The following ARHGAP5 variants were observed in gnomAD, a reference collection of about 807,000 sequenced individuals.
ARHGAP5 encodes Rho GTPase activating protein 5.
Under a neutral mutation model 116.6 loss-of-function variants are expected in ARHGAP5, and 23 were observed. The observed-to-expected ratio is 0.20, with a 90% CI of 0.14 to 0.28. The LOEUF (loss-of-function observed/expected upper bound fraction) is 0.28. Ranked by LOEUF, ARHGAP5 falls within the 10% of genes least tolerant of loss-of-function variation. ARHGAP5 has a pLI of 1.00. For synonymous variants in ARHGAP5, 574 were observed against 602.0 expected (o/e 0.95, Z 0.68); for missense variants, 1,405 against 1,774.8 (o/e 0.79, Z 3.74).
chr14:32,107,067 C>G (rs1369037149), intron 2 of ARHGAP5, among the ~76,000 whole-genome samples: 1 of 152,112 alleles, frequency 6.6e-6, no homozygotes, highest in Non-Finnish European at 1.5e-5. Flanking sequence ...CTATTAATGA[C>G]TGGTAGCGAG....
At chr14:32,103,023 C>A (rs1221639818) in intron 2 of ARHGAP5, among the ~76,000 whole-genome samples, 2 of 152,176 alleles carry the variant, frequency 1.3e-5, no homozygotes, top group African/African-American at 4.8e-5. Flanking sequence ...CATATTTCAT[C>A]TCATCTGGAA....
At chr14:32,145,582 G>A (rs1881334993) in intron 3 of ARHGAP5, among the ~76,000 whole-genome samples, 1 of 152,008 alleles carries the variant, frequency 6.6e-6, no homozygotes, top group South Asian at 2.1e-4. Flanking sequence ...GCCTCTGCCT[G>A]CCCCCTCAAA....
intron 2 of ARHGAP5, 45 bp from the exon 3 acceptor site, chr14:32,117,095 T>C: frequency 6.8e-7 from 1 of 1,474,428 alleles, no homozygotes; most frequent in Non-Finnish European, 9.2e-7. Context: ...ACTATTATTC[T>C]GAAATTAATT....
intron 3 of ARHGAP5, among the ~76,000 whole-genome samples, chr14:32,140,754 C>G (rs1881085583): frequency 6.6e-6 from 1 of 151,968 alleles, no homozygotes. Flanking sequence ...ACGGTGTTTC[C>G]TCCAGAATGT....
At chr14:32,081,739 C>T (rs1047081288) in intron 1 of ARHGAP5, among the ~76,000 whole-genome samples, 2 of 152,074 alleles carry the variant, frequency 1.3e-5, no homozygotes, top group African/African-American at 4.8e-5. Context: ...GAAAAACTCT[C>T]ACCTTGGCTT....
intron 3 of ARHGAP5, among the ~76,000 whole-genome samples, chr14:32,131,571 G>GT (rs1459617403): frequency 6.6e-6 from 1 of 151,818 alleles, no homozygotes; most frequent in African/African-American, 2.4e-5. Context: ...GTTTGTTTTT[G>GT]TTTTTGTTTT....
At chr14:32,143,202 AGTTGTTGTTGTTGTTGTT>A (rs140378018) in intron 3 of ARHGAP5, among the ~76,000 whole-genome samples, 2 of 145,334 alleles carry the variant, frequency 1.4e-5, no homozygotes, top group East Asian at 4.0e-4. Flanking sequence ...ACATTATTTT[AGTTGTTGTTGTTGTTGTT>A]GTTGTTGTTG....
chr14:32,148,435 T>G (rs1443635320), intron 4 of ARHGAP5, among the ~76,000 whole-genome samples: 1 of 152,166 alleles, frequency 6.6e-6, no homozygotes, highest in Non-Finnish European at 1.5e-5. Flanking sequence ...ATGGGAGTGA[T>G]GAGAGTAACT....
chr14:32,152,683 ATAT>A, intron 6 of ARHGAP5, among the ~76,000 whole-genome samples, 155 bp downstream of exon 6: 1 of 152,232 alleles, frequency 6.6e-6, no homozygotes, highest in Non-Finnish European at 1.5e-5. Flanking sequence ...CTAAAAAGAT[ATAT>A]GATTAGTTTT....
chr14:32,091,229 T>G lies in ARHGAP5; in HGVS notation c.560T>G (p.Leu187Ter). ...TTTGTGAATAACCTTTTTGTCCAGT[T>G]ATCAAAATCAAAAAAACCTGTAATA... ...LKFVNNLFVQ[L>*]SKSKKPVIIA... Residue 187 changes from leucine to a stop codon, truncating the protein, a stop_gained, in exon 2 of 7, where the codon TTA becomes TGA. Coordinates refer to ENST00000345122, the MANE Select transcript of ARHGAP5 (RefSeq NM_001030055.2). LOFTEE classifies it high-confidence loss of function. 1 of 1,612,146 alleles carries G rather than the reference T, an allele frequency of 6.2e-7. No homozygotes were observed. The highest frequency in any genetic ancestry group is 8.5e-7 in the Non-Finnish European group (1 of 1,179,168).
At chr14:32,136,200 C>A (rs1404322294) in intron 3 of ARHGAP5, among the ~76,000 whole-genome samples, 1 of 152,126 alleles carries the variant, frequency 6.6e-6, no homozygotes, top group African/African-American at 2.4e-5. Context: ...AGTATATTCA[C>A]AATGTTGTGC....
rs758105100 is a variant in ARHGAP5 at position 32,093,897 on chromosome 14, G to A, written c.3228G>A (p.Arg1076=). The change falls in exon 2 of 7, where the codon CGG becomes CGA. Residue 1076 remains arginine (R), a synonymous_variant. Coordinates refer to ENST00000345122, the MANE Select transcript of ARHGAP5 (RefSeq NM_001030055.2). ...IGKNPRKQTS[R]VPLAHPEDMD... ...AAAATCCAAGAAAGCAGACTTCCCG[G>A]GTGCCTTTGGCACATCCTGAAGATA... 1.2e-6 allele frequency: 2 copies of A among 1,613,878 alleles called. No homozygotes were observed. Among genetic ancestry groups the A allele is most frequent in the Admixed American group, 1.7e-5 (1 of 59,976 alleles).
At chr14:32,126,203 A>G (rs1880144368) in intron 3 of ARHGAP5, among the ~76,000 whole-genome samples, 1 of 151,322 alleles carries the variant, frequency 6.6e-6, no homozygotes, top group African/African-American at 2.4e-5. Flanking sequence ...TTCATCATGG[A>G]GTATGATATC....
At position 32,092,404 on chromosome 14, in the gene ARHGAP5, T is replaced by C. The variant is rs748874653; in HGVS notation, c.1735T>C (p.Leu579=). 18 of 1,613,226 alleles carry C rather than the reference T, an allele frequency of 1.1e-5. No homozygotes were observed. The highest frequency in any genetic ancestry group is 1.7e-5 in the Admixed American group (1 of 59,880). ...EQLLASSLLQ[L]DHGRLRLYHD... is the part of the protein sequence containing the mutation. ...GTTACTTGCTAGTAGTCTTTTACAG[T>C]TGGATCATGGCCGCTTAAGATTATA... The change falls in exon 2 of 7, where the codon TTG becomes CTG. Residue 579 remains leucine, a synonymous_variant. Coordinates refer to ENST00000345122, the MANE Select transcript of ARHGAP5 (RefSeq NM_001030055.2). The surrounding 1 kb of genome is among the most constrained non-coding windows in gnomAD (Gnocchi z 4.1).
intron 3 of ARHGAP5, among the ~76,000 whole-genome samples, chr14:32,128,588 T>C (rs1341812407): frequency 6.6e-6 from 1 of 152,200 alleles, no homozygotes; most frequent in African/African-American, 2.4e-5. Flanking sequence ...TTCCTTTTGC[T>C]CCATGGACGC....
rs1881971008 is a variant in ARHGAP5, at chr14:32,158,007, A to C, written c.*3059A>C. On this transcript the variant is annotated 3_prime_UTR_variant, in exon 7 of 7. Transcript: ENST00000345122. The stretch of plus-strand genomic sequence containing the variant: ...TACACATATAATTTTAAAAAGTCAA[A>C]AGTGCTTTTGTTTCTTTGTTTAATG... 2 of 151,688 alleles carry C rather than the reference A, an allele frequency of 1.3e-5. No homozygotes were observed. 9.4% of individuals were successfully genotyped at this position (151,688 alleles called of 1,614,324 possible).
chr14:32,129,408 A>G (rs1482177013), intron 3 of ARHGAP5, among the ~76,000 whole-genome samples: 1 of 152,228 alleles, frequency 6.6e-6, no homozygotes, highest in Non-Finnish European at 1.5e-5. Context: ...CAAATGAATT[A>G]TAAAGAAATA....
At chr14:32,142,929 C>T (rs1290669132) in intron 3 of ARHGAP5, among the ~76,000 whole-genome samples, 1 of 152,122 alleles carries the variant, frequency 6.6e-6, no homozygotes, top group Non-Finnish European at 1.5e-5. Flanking sequence ...ACATCACTCC[C>T]CATGGACACA....
In ARHGAP5 at chr14:32,156,322, T is replaced by C. The variant is rs1881891998; in HGVS notation, c.*1374T>C. 1.3e-5 allele frequency: 2 copies of C among 152,422 alleles called. No individual in the cohort carries two copies. Among genetic ancestry groups the C allele is most frequent in the African/African-American group, 4.8e-5 (2 of 41,442 alleles). The allele number at this position is 152,422 out of a possible 1,614,324, so 9.4% of individuals were successfully genotyped here. ...AATGTTATCTTAATTCATACTACAA[T>C]TTAAGATTATCTTATGTGTATTATA... On this transcript the variant is annotated 3_prime_UTR_variant, in exon 7 of 7. Coordinates refer to ENST00000345122, the MANE Select transcript of ARHGAP5 (RefSeq NM_001030055.2).
Sources: gnomAD v4.1 joint callset for allele counts (sites outside exome capture counted in the v4.1 genomes callset) on GRCh38, gnomAD v4.1.1 for gene constraint, Gnocchi (gnomAD v3.1) non-coding constraint, MANE v1.5 for transcripts, NCBI Gene and HGNC (gene_info 2026-07-23, HGNC 2026-07-21) for gene names.